The following COL18A1 variants were observed in gnomAD, a reference collection of about 807,000 sequenced individuals.
COL18A1 encodes the protein collagen alpha-1(XVIII) chain.
In COL18A1, 133 loss-of-function variants were observed where a neutral mutation model predicts 168.0. The ratio of observed to expected loss-of-function variants is 0.79; its 90% CI spans 0.69 to 0.91. The LOEUF (loss-of-function observed/expected upper bound fraction) is 0.91. Ranked by LOEUF, COL18A1 falls within the 40% of genes least tolerant of loss-of-function variation. The pLI is 0.00. For synonymous variants in COL18A1, 949 were observed against 809.0 expected (o/e 1.17, Z -2.94); for missense variants, 2,126 against 1,925.4 (o/e 1.10, Z -1.95).
At position 45,405,229 on chromosome 21, in the gene COL18A1, G is replaced by A. The variant is rs1321675148; in HGVS notation, c.-2G>A. The A allele has an allele frequency of 1.1e-5, 4 of 347,976 alleles. No individual in the cohort carries two copies. The highest frequency in any genetic ancestry group is 2.0e-5 in the Non-Finnish European group (4 of 204,858). 21.6% of individuals were successfully genotyped at this position (347,976 alleles called of 1,614,324 possible). A position where few individuals can be genotyped will look rare whatever the true frequency, so the allele number is the denominator to read the frequency against. On this transcript the variant is annotated 5_prime_UTR_variant, in exon 1 of 42. Transcript: ENST00000651438. The stretch of plus-strand genomic sequence containing the variant: ...CGCGGCGCTGACGGTCCTGGGGAGA[G>A]CATGGCGCCGAGGTGAGGCCGGGGC...
At chr21:45,445,944 G>GT (rs1351265886) in intron 2 of COL18A1, among the ~76,000 whole-genome samples, 1 of 152,124 alleles carries the variant, frequency 6.6e-6, no homozygotes, top group Non-Finnish European at 1.5e-5. Flanking sequence ...AAACTTTTAA[G>GT]TTTTTACGAA....
In COL18A1 at chr21:45,513,304, G is replaced by C. The variant is rs1602673081; in HGVS notation, c.*906G>C. On this transcript the variant is annotated 3_prime_UTR_variant, in exon 42 of 42. Coordinates refer to ENST00000651438, the MANE Select transcript of COL18A1 (RefSeq NM_001379500.1). ...GGCTGAGGCTGGCACAGGACATGCG[G>C]TAGCCAGCACACAGGGCAGTGAGGG... The C allele has an allele frequency of 6.6e-6, 1 of 152,438 alleles. No homozygotes were observed. Among genetic ancestry groups the C allele is most frequent in the East Asian group, 1.9e-4 (1 of 5,184 alleles). 9.4% of individuals were successfully genotyped at this position (152,438 alleles called of 1,614,324 possible). A position where few individuals can be genotyped will look rare whatever the true frequency, so the allele number is the denominator to read the frequency against.
chr21:45,480,793 C>G lies in COL18A1; in HGVS notation c.1546C>G (p.Pro516Ala), dbSNP rs956106136. The G allele has an allele frequency of 4.3e-6, 7 of 1,611,380 alleles. No homozygotes were observed. The highest frequency in any genetic ancestry group is 5.9e-6 in the Non-Finnish European group (7 of 1,179,774). The change falls in exon 13 of 42, where the codon CCA becomes GCA. Residue 516 changes from proline (P) to alanine (A), a missense_variant. Coordinates refer to ENST00000651438, the MANE Select transcript of COL18A1 (RefSeq NM_001379500.1). ...GRFGVNSSDVPGPAGLPGVPG... is the reference protein window; with the variant it reads ...GRFGVNSSDVAGPAGLPGVPG... ...CTTTGGGGTGAACAGCTCCGACGTC[C>G]CAGGACCCGCCGGCCTTCCTGGTGT...
At chr21:45,494,259 C>T (rs990373772) in intron 26 of COL18A1, 15 of 493,146 alleles carry the variant, frequency 3.0e-5, no homozygotes, top group Non-Finnish European at 4.8e-5. Flanking sequence ...CCACCCTCCA[C>T]CCTCCACCCC....
In COL18A1 at chr21:45,494,403, G is replaced by T. The variant is rs1437528206; in HGVS notation, c.2353-142G>T. 1.3e-5 allele frequency: 16 copies of T among 1,215,386 alleles called. No homozygotes were observed. The Admixed American group carries it at 3.0e-4, about 23-fold the overall frequency. The allele number at this position is 1,215,386 out of a possible 1,614,324, so 75.3% of individuals were successfully genotyped here. ...TGGGGACGGCCCAGTGCACCCAAAG[G>T]GACCACAGCGGCCCTTAGGGAGGCT... On this transcript the variant is annotated intron_variant, in intron 26 of 41. Coordinates refer to ENST00000651438, the MANE Select transcript of COL18A1 (RefSeq NM_001379500.1).
chr21:45,453,573 C>T (rs1055054251), intron 2 of COL18A1, among the ~76,000 whole-genome samples: 2 of 152,098 alleles, frequency 1.3e-5, no homozygotes, highest in African/African-American at 2.4e-5. Context: ...GTTAAACGTG[C>T]GATGCTGTGG....
At chr21:45,485,062 A>C (rs1339377563) in intron 15 of COL18A1, among the ~76,000 whole-genome samples, 1 of 151,272 alleles carries the variant, frequency 6.6e-6, no homozygotes, top group Admixed American at 6.6e-5. Context: ...AGCTCACTGC[A>C]ATCTCTGCCT....
chr21:45,414,246 C>A (rs2033380124), intron 2 of COL18A1, among the ~76,000 whole-genome samples: 1 of 152,188 alleles, frequency 6.6e-6, no homozygotes, highest in East Asian at 1.9e-4. Flanking sequence ...TTGCTGCTGA[C>A]CTCTCATCTG....
At chr21:45,455,857 T>G in intron 2 of COL18A1, 1 of 1,613,094 alleles carries the variant, frequency 6.2e-7, no homozygotes, top group Non-Finnish European at 8.5e-7. Context: ...ACATTGCCGG[T>G]GTCGGAGCCG....
rs192580755 is a variant in COL18A1 at position 45,485,951 on chromosome 21, T to C, written c.1702-910T>C. Among the ~76,000 whole-genome samples, 55 of 152,316 alleles carry C rather than the reference T, an allele frequency of 3.6e-4. No individual in the cohort carries two copies. In the East Asian group the frequency reaches 9.1e-3, roughly 25 times the overall value. On this transcript the variant is annotated intron_variant, in intron 15 of 41. Transcript: ENST00000651438. ...TGGGAAGGAACCCTGGGCCTCTCCG[T>C]CTACAGCCACGGAAACCGAGGCTCA...
intron 2 of COL18A1, among the ~76,000 whole-genome samples, chr21:45,452,430 G>A (rs1288602115): frequency 6.6e-6 from 1 of 152,068 alleles, no homozygotes; most frequent in Non-Finnish European, 1.5e-5. Flanking sequence ...GTGAGCTTGT[G>A]TATGCATGTG....
chr21:45,497,682 C>G (rs369675698), intron 32 of COL18A1, 21 bp downstream of exon 32: 1 of 1,558,912 alleles, frequency 6.4e-7, no homozygotes, highest in Admixed American at 1.9e-5. Flanking sequence ...CTGGACATCC[C>G]AGGCAGGAGA....
chr21:45,495,489 C>A, intron 29 of COL18A1, 57 bp downstream of exon 29: 2 of 1,459,038 alleles, frequency 1.4e-6, no homozygotes, highest in Non-Finnish European at 1.9e-6. Flanking sequence ...CTGGGAATGG[C>A]CTGGCCACAG....
chr21:45,468,811 G>T, intron 3 of COL18A1, 25 bp downstream of exon 3: 1 of 1,556,462 alleles, frequency 6.4e-7, no homozygotes, highest in South Asian at 1.2e-5. Flanking sequence ...GCCGTCGCTG[G>T]GGGACTGGAG....
intron 2 of COL18A1, among the ~76,000 whole-genome samples, chr21:45,419,268 T>TGTAGTGACGTGATGCCGG (rs1490577054): frequency 1.3e-5 from 2 of 151,718 alleles, no homozygotes; most frequent in South Asian, 2.1e-4. Flanking sequence ...TGCAGTTCCG[T>TGTAGTGACGTGATGCCGG]GTAGTGACGT....
intron 2 of COL18A1, among the ~76,000 whole-genome samples, chr21:45,466,742 T>G (rs1294503111): frequency 6.6e-6 from 1 of 152,136 alleles, no homozygotes; most frequent in African/African-American, 2.4e-5. Context: ...TGTAGCGTGC[T>G]GGTACCCTCC....
chr21:45,452,422 G>A (rs1465472633), intron 2 of COL18A1, among the ~76,000 whole-genome samples: 2 of 152,162 alleles, frequency 1.3e-5, no homozygotes, highest in Admixed American at 1.3e-4. Context: ...GTATATATGT[G>A]AGCTTGTGTA....
intron 4 of COL18A1, among the ~76,000 whole-genome samples, chr21:45,474,423 C>T (rs958750643): frequency 1.4e-4 from 18 of 132,642 alleles, no homozygotes; most frequent in East Asian, 4.3e-4. Flanking sequence ...TCTTGTGTGT[C>T]GTGTGTGTCT....
Position 45,476,496 on chromosome 21 carries a change from G to C in COL18A1, c.928+16G>C, listed in dbSNP as rs1004361787. ...TCGTTAGGAGGTAAGCTCTTTTCTG[G>C]ATGTGGTGTGTGTGTGGTGTGGGGT... On this transcript the variant is annotated intron_variant, in intron 6 of 41. Transcript: ENST00000651438. 1 of 1,585,832 alleles carries C rather than the reference G, an allele frequency of 6.3e-7. No individual in the cohort carries two copies. The highest frequency in any genetic ancestry group is 1.8e-5 in the Admixed American group (1 of 55,144).
Sources: allele counts gnomAD v4.1 joint callset (sites outside exome capture counted in the v4.1 genomes callset), GRCh38; gene constraint gnomAD v4.1.1; transcripts MANE v1.5; gene names NCBI Gene and HGNC (gene_info 2026-07-23, HGNC 2026-07-21).